Variants in AAK1 observed in about 807,000 individuals in gnomAD.
AAK1 encodes the protein AP2-associated protein kinase 1.
AAK1 carries 37 observed loss-of-function variants against 116.0 expected under a neutral mutation model. The ratio of observed to expected loss-of-function variants is 0.32; its 90% CI spans 0.25 to 0.42. The LOEUF (loss-of-function observed/expected upper bound fraction) is 0.42. Among genes scored for constraint, AAK1 ranks in the 10% least tolerant of loss-of-function variants. The pLI is 1.00. For missense variants in AAK1, 919 were observed against 1,170.6 expected (o/e 0.79, Z 3.14); for synonymous variants, 458 against 439.9 (o/e 1.04, Z -0.51).
intron 2 of AAK1, among the ~76,000 whole-genome samples, chr2:69,560,342 G>A (rs962680159): frequency 2.6e-5 from 4 of 152,208 alleles, no homozygotes; most frequent in Admixed American, 6.5e-5. Flanking sequence ...AGGCTATTAC[G>A]GAAGGAGGCT....
intron 15 of AAK1, among the ~76,000 whole-genome samples, 187 bp from the exon 16 acceptor site, chr2:69,505,860 G>A (rs1283393647): frequency 2.0e-5 from 3 of 152,140 alleles, no homozygotes; most frequent in African/African-American, 7.2e-5. Flanking sequence ...AGAAAAAAAA[G>A]GAAATTGTTA....
At chr2:69,518,192 A>G (rs1676661527) in intron 12 of AAK1, among the ~76,000 whole-genome samples, 1 of 152,218 alleles carries the variant, frequency 6.6e-6, no homozygotes, top group Non-Finnish European at 1.5e-5. Flanking sequence ...AAAATATATG[A>G]AAAGATAATG....
intron 2 of AAK1, among the ~76,000 whole-genome samples, chr2:69,580,219 C>T (rs1672487049): frequency 6.6e-6 from 1 of 152,176 alleles, no homozygotes; most frequent in South Asian, 2.1e-4. Flanking sequence ...AGAACAGAAA[C>T]CTTTGGTGGG....
intron 2 of AAK1, among the ~76,000 whole-genome samples, chr2:69,558,873 A>G (rs1377292121): frequency 6.6e-6 from 1 of 152,208 alleles, no homozygotes; most frequent in African/African-American, 2.4e-5. Flanking sequence ...GCACTTTAGT[A>G]CCTGTCTGTT....
Position 69,474,583 on chromosome 2 carries a change from C to G in AAK1, c.*1286G>C. The G allele has an allele frequency of 2.0e-6, 2 of 985,200 alleles. No homozygotes were observed. Among genetic ancestry groups the G allele is most frequent in the African/African-American group, 1.7e-5 (1 of 57,260 alleles). The allele number at this position is 985,200 out of a possible 1,614,324, so 61.0% of individuals were successfully genotyped here. A position where few individuals can be genotyped will look rare whatever the true frequency, so the allele number is the denominator to read the frequency against. On this transcript the variant is annotated 3_prime_UTR_variant, in exon 22 of 22. Coordinates refer to ENST00000409085, the MANE Select transcript of AAK1 (RefSeq NM_014911.5). ...CCAAGGAAAACCAGCTGAACATATTCCATTGGCTGCAGCCTTCAATTTAAA... is the reference window on the plus strand; with the variant it reads ...CCAAGGAAAACCAGCTGAACATATTGCATTGGCTGCAGCCTTCAATTTAAA...
At chr2:69,601,083 G>A (rs1673556940) in intron 2 of AAK1, among the ~76,000 whole-genome samples, 1 of 152,204 alleles carries the variant, frequency 6.6e-6, no homozygotes, top group Non-Finnish European at 1.5e-5. Flanking sequence ...CTATAGTATA[G>A]TGTAAACATA....
At chr2:69,476,517 C>T (rs531926832) in intron 21 of AAK1, among the ~76,000 whole-genome samples, 90 of 152,266 alleles carry the variant, frequency 5.9e-4, no homozygotes, top group Non-Finnish European at 1.1e-3. Flanking sequence ...CAAAACACAG[C>T]TGTTAATCTC....
At chr2:69,598,421 A>G (rs779979342) in intron 2 of AAK1, 9 of 282,564 alleles carry the variant, frequency 3.2e-5, no homozygotes, top group Non-Finnish European at 6.3e-5. Flanking sequence ...GAGTCATGTA[A>G]AACCCATTAA....
chr2:69,517,642 G>A (rs573115818), intron 12 of AAK1, among the ~76,000 whole-genome samples: 30 of 151,774 alleles, frequency 2.0e-4, no homozygotes, highest in Non-Finnish European at 3.4e-4. Context: ...AGTAAGCCTC[G>A]AGAAATTACC....
chr2:69,592,566 C>T (rs572715707), intron 2 of AAK1, among the ~76,000 whole-genome samples: 2 of 152,184 alleles, frequency 1.3e-5, no homozygotes, highest in East Asian at 3.9e-4. Flanking sequence ...ATAAACATAA[C>T]ATGAAAAGAG....
chr2:69,628,804 C>T (rs1675031631), intron 2 of AAK1, among the ~76,000 whole-genome samples: 1 of 152,148 alleles, frequency 6.6e-6, no homozygotes, highest in Non-Finnish European at 1.5e-5. Flanking sequence ...CTAGAGCTGA[C>T]CTTTCAAAAA....
intron 2 of AAK1, among the ~76,000 whole-genome samples, chr2:69,586,493 G>A (rs138327538): frequency 1.2e-4 from 19 of 152,288 alleles, no homozygotes; most frequent in African/African-American, 4.6e-4. Flanking sequence ...CAGGAAACCT[G>A]GGTTCCAATT....
intron 2 of AAK1, among the ~76,000 whole-genome samples, chr2:69,632,199 A>C (rs533235167): frequency 6.6e-6 from 1 of 152,318 alleles, no homozygotes; most frequent in South Asian, 2.1e-4. Context: ...CTTCCTCAAA[A>C]AAGACCAAAA....
At chr2:69,481,277 T>C (rs1460790881) in intron 18 of AAK1, 1 of 213,088 alleles carries the variant, frequency 4.7e-6, no homozygotes, top group Non-Finnish European at 9.6e-6. Flanking sequence ...TGAGCATGCA[T>C]GTGCAAGGTT....
At chr2:69,594,259 T>G (rs1025938239) in intron 2 of AAK1, among the ~76,000 whole-genome samples, 4 of 152,164 alleles carry the variant, frequency 2.6e-5, no homozygotes, top group African/African-American at 9.7e-5. Context: ...ATAAGACATA[T>G]GCCCATGGAC....
intron 2 of AAK1, among the ~76,000 whole-genome samples, chr2:69,583,940 T>C (rs1215712895): frequency 1.3e-5 from 2 of 152,256 alleles, no homozygotes; most frequent in Admixed American, 1.3e-4. Context: ...AATGTCTTAG[T>C]TGTCTCTCCA....
chr2:69,538,326 G>C lies in AAK1; in HGVS notation c.534+4197C>G, dbSNP rs1169537396. On this transcript the variant is annotated intron_variant, in intron 5 of 21. Transcript: ENST00000409085. ...GCATTCCCCTGCTGAAACATCTTGT[G>C]GGCTGTTCAGTGCAGTGAAGGAAGA... is the stretch of plus-strand genomic sequence containing the variant. Among the ~76,000 whole-genome samples the C allele has an allele frequency of 3.9e-5, 6 of 152,178 alleles. 1 individual carries two copies. The highest frequency in any genetic ancestry group is 4.1e-4 in the South Asian group (2 of 4,836).
chr2:69,519,354 T>C, intron 11 of AAK1, 114 bp from the exon 12 acceptor site: 1 of 1,365,774 alleles, frequency 7.3e-7, no homozygotes, highest in Admixed American at 3.0e-5. Flanking sequence ...TATCTCAAGA[T>C]TCGTGTCCTC....
intron 21 of AAK1, 87 bp from the exon 22 acceptor site, chr2:69,476,050 CA>C: frequency 2.1e-6 from 3 of 1,448,960 alleles, no homozygotes; most frequent in Non-Finnish European, 2.7e-6. Flanking sequence ...AAAACCAAAC[CA>C]AAACCAAAAC....
Sources: allele counts gnomAD v4.1 joint callset (sites outside exome capture counted in the v4.1 genomes callset), GRCh38; gene constraint gnomAD v4.1.1; transcripts MANE v1.5; gene names NCBI Gene and HGNC (gene_info 2026-07-23, HGNC 2026-07-21).